The following TDRD1 variants were observed in gnomAD, a reference collection of about 807,000 sequenced individuals.
TDRD1 encodes tudor domain-containing protein 1.
In TDRD1, 37 loss-of-function variants were observed where a neutral mutation model predicts 140.6. The ratio of observed to expected loss-of-function variants is 0.26; its 90% CI spans 0.20 to 0.35. The LOEUF (loss-of-function observed/expected upper bound fraction) is 0.35. Among genes scored for constraint, TDRD1 ranks in the 10% least tolerant of loss-of-function variants. TDRD1 has a pLI of 1.00. For missense variants in TDRD1, 1,243 were observed against 1,393.0 expected, an observed-to-expected ratio of 0.89 and a Z score of 1.71; for synonymous variants, 506 against 475.7, an observed-to-expected ratio of 1.06 and a Z score of -0.83.
chr10:114,185,873 G>A (rs1461088008), intron 1 of TDRD1, among the ~76,000 whole-genome samples: 1 of 152,204 alleles, frequency 6.6e-6, no homozygotes, highest in African/African-American at 2.4e-5. Context: ...ACAGGCATGA[G>A]CCACCGTGCC....
chr10:114,204,181 C>G (rs1589684294), exon 9 of TDRD1: 4 of 1,598,238 alleles, frequency 2.5e-6, no homozygotes, highest in Non-Finnish European at 2.6e-6. Flanking sequence ...CAGAATTTAC[C>G]ACCTCAACAG....
intron 1 of TDRD1, among the ~76,000 whole-genome samples, chr10:114,187,578 G>A (rs1476798700): frequency 6.6e-6 from 1 of 152,148 alleles, no homozygotes; most frequent in African/African-American, 2.4e-5. Context: ...GAATGGTGTT[G>A]AACGCTGAGA....
chr10:114,204,905 CT>C lies in TDRD1; in HGVS notation c.1297+17del. On this transcript the variant is annotated intron_variant, in intron 10 of 25. Transcript: ENST00000251864. ...GCTGCCAAATTCAGGTAAGATCTGT[CT>C]TTTTAAATTGAGTACTTAATAGGAT... 1.3e-6 allele frequency: 2 copies of C among 1,563,076 alleles called. No individual in the cohort carries two copies. Among genetic ancestry groups the C allele is most frequent in the Admixed American group, 2.1e-5 (1 of 47,770 alleles).
intron 1 of TDRD1, among the ~76,000 whole-genome samples, chr10:114,186,540 C>T (rs1045318805): frequency 1.2e-4 from 18 of 152,202 alleles, no homozygotes; most frequent in Non-Finnish European, 2.5e-4. Context: ...GCTGGGATTA[C>T]AGGTGTGAGC....
chr10:114,222,617 C>A, exon 21 of TDRD1: 1 of 1,611,388 alleles, frequency 6.2e-7, no homozygotes, highest in Non-Finnish European at 8.5e-7. Context: ...ATGTTGACAG[C>A]TGAATTATTA....
chr10:114,199,141 A>G, intron 3 of TDRD1, 32 bp from the exon 4 acceptor site: 3 of 1,593,764 alleles, frequency 1.9e-6, no homozygotes, highest in Non-Finnish European at 2.6e-6. Context: ...TTATTGCCAA[A>G]TTCTAACATT....
upstream of TDRD1, among the ~76,000 whole-genome samples, chr10:114,178,634 AAC>A (rs1290215435): frequency 6.6e-6 from 1 of 152,202 alleles, no homozygotes; most frequent in Non-Finnish European, 1.5e-5. Context: ...AATGCTGACA[AAC>A]ACAGTGAACA....
At chr10:114,208,771 G>A (rs1048550122) in intron 11 of TDRD1, among the ~76,000 whole-genome samples, 1 of 148,934 alleles carries the variant, frequency 6.7e-6, no homozygotes, top group Non-Finnish European at 1.5e-5. Context: ...AGATGTTTAA[G>A]ATACAATTTT....
At chr10:114,211,727 A>C in intron 13 of TDRD1, 139 bp from the exon 14 acceptor site, 5 of 823,444 alleles carry the variant, frequency 6.1e-6, no homozygotes, top group Non-Finnish European at 8.8e-6. Flanking sequence ...GATAAGCAAA[A>C]TTAGTAAACA....
At chr10:114,210,795 G>A in intron 12 of TDRD1, 47 bp downstream of exon 12, 1 of 1,611,738 alleles carries the variant, frequency 6.2e-7, no homozygotes. Context: ...AATACTTCAA[G>A]AGACTTGACA....
rs974160751 is a variant in TDRD1 at position 114,182,689 on chromosome 10, T to G, written c.-7+3273T>G. Among the ~76,000 whole-genome samples, 22 of 132,412 alleles carry G rather than the reference T, an allele frequency of 1.7e-4. 1 individual carries two copies. Among genetic ancestry groups the G allele is most frequent in the Admixed American group, 1.5e-3 (19 of 12,890 alleles). The allele number at this position is 132,412 out of a possible 152,430, so 86.9% of individuals were successfully genotyped here. ...TAAAATAGTTTTTATCATACGAATA[T>G]CTTTTTTTTTTTTTTTGAGACAGTC... On this transcript the variant is annotated intron_variant, in intron 1 of 25. Transcript: ENST00000251864.
Position 114,191,072 on chromosome 10 carries a change from TTTTA to T in TDRD1, c.384+62_384+65del, listed in dbSNP as rs1325424971. On this transcript the variant is annotated intron_variant, in intron 3 of 25. Transcript: ENST00000251864. ...GTTTGGGTAAAAGATTCTAAACATG[TTTTA>T]TTTATTTAATAAAGAAGTGTTCAAT... 31 of 1,540,338 alleles carry T rather than the reference TTTTA, an allele frequency of 2.0e-5. No homozygotes were observed. In the African/African-American group the frequency reaches 2.3e-4, roughly 12 times the overall value.
At chr10:114,205,224 C>T (rs1305145401) in intron 10 of TDRD1, among the ~76,000 whole-genome samples, 1 of 152,162 alleles carries the variant, frequency 6.6e-6, no homozygotes, top group Non-Finnish European at 1.5e-5. Flanking sequence ...AGTGCTTTTT[C>T]TTGGAGTAAC....
chr10:114,205,867 A>G (rs1302860365), intron 10 of TDRD1, among the ~76,000 whole-genome samples: 1 of 152,240 alleles, frequency 6.6e-6, no homozygotes, highest in African/African-American at 2.4e-5. Flanking sequence ...TTAGACTGTA[A>G]TTGGATGATT....
intron 14 of TDRD1, 21 bp downstream of exon 14, chr10:114,212,057 C>T (rs1216019892): frequency 1.3e-6 from 2 of 1,572,380 alleles, no homozygotes; most frequent in African/African-American, 1.4e-5. Context: ...TTTATAGCCT[C>T]CATATTCTTT....
chr10:114,190,209 T>G (rs971272038), intron 2 of TDRD1, among the ~76,000 whole-genome samples: 4 of 152,108 alleles, frequency 2.6e-5, no homozygotes, highest in Admixed American at 6.5e-5. Flanking sequence ...AATGTGTAAT[T>G]CTTCTATATT....
In TDRD1 at chr10:114,213,722, A is replaced by G. The variant is rs1029533036; in HGVS notation, c.2074+134A>G. ...TTTTAAATCAAGCATTCATCTAAATACTTGTAAGAATGTTTGAAAAATAAA... is the reference window on the plus strand; with the variant it reads ...TTTTAAATCAAGCATTCATCTAAATGCTTGTAAGAATGTTTGAAAAATAAA... On this transcript the variant is annotated intron_variant, in intron 15 of 25. Coordinates refer to ENST00000251864, the Ensembl canonical transcript of TDRD1. 1.3e-5 allele frequency: 12 copies of G among 894,470 alleles called. No individual in the cohort carries two copies. The South Asian group carries it at 2.2e-4, about 17-fold the overall frequency. 55.4% of individuals were successfully genotyped at this position (894,470 alleles called of 1,614,324 possible).
At chr10:114,219,020 G>A (rs2035978925) in intron 18 of TDRD1, among the ~76,000 whole-genome samples, 1 of 152,162 alleles carries the variant, frequency 6.6e-6, no homozygotes, top group Non-Finnish European at 1.5e-5. Context: ...GATAATGATA[G>A]TACTTATTTT....
intron 16 of TDRD1, among the ~76,000 whole-genome samples, chr10:114,214,411 T>C (rs1201097918): frequency 6.6e-6 from 1 of 152,160 alleles, no homozygotes; most frequent in Non-Finnish European, 1.5e-5. Context: ...CCTATAATCC[T>C]AACACTTTGG....
Sources: gnomAD v4.1 joint callset for allele counts (sites outside exome capture counted in the v4.1 genomes callset) on GRCh38, gnomAD v4.1.1 for gene constraint, MANE v1.5 for transcripts, NCBI Gene and HGNC (gene_info 2026-07-23, HGNC 2026-07-21) for gene names.